The following SFTPD variants were observed in gnomAD, a reference collection of about 807,000 sequenced individuals.
The protein encoded by SFTPD is surfactant protein D, also known as pulmonary surfactant-associated protein D.
In SFTPD, 18 loss-of-function variants were observed where a neutral mutation model predicts 34.6. That is an observed-to-expected ratio of 0.52 (90% CI 0.36 to 0.77). The LOEUF is 0.77. SFTPD is among the 30% of genes least tolerant of loss of function. SFTPD has a pLI of 0.00. For synonymous variants in SFTPD, 155 were observed against 180.9 expected, an observed-to-expected ratio of 0.86 and a Z score of 1.15; for missense variants, 433 against 468.9, an observed-to-expected ratio of 0.92 and a Z score of 0.71.
At chr10:79,956,545 G>A (rs1379996330) in intron 1 of SFTPD, among the ~76,000 whole-genome samples, 10 of 152,344 alleles carry the variant, frequency 6.6e-5, no homozygotes, top group African/African-American at 1.7e-4. Flanking sequence ...ACGGAGTCTC[G>A]CTGATTGCTA....
intron 2 of SFTPD, among the ~76,000 whole-genome samples, chr10:79,944,749 G>C (rs1564529898): frequency 6.6e-6 from 1 of 152,102 alleles, no homozygotes; most frequent in Non-Finnish European, 1.5e-5. Context: ...ATAAGGAATT[G>C]TTCCCCACAA....
intron 2 of SFTPD, among the ~76,000 whole-genome samples, chr10:79,945,318 C>G (rs893172839): frequency 1.3e-5 from 2 of 152,172 alleles, no homozygotes; most frequent in Admixed American, 6.5e-5. Flanking sequence ...TGGGATCCCC[C>G]CTGGACAGCC....
Position 79,938,153 on chromosome 10 carries a change from T to C in SFTPD, c.827A>G (p.Glu276Gly). 6.2e-7 allele frequency: 1 copy of C among 1,611,246 alleles called. No individual in the cohort carries two copies. The highest frequency in any genetic ancestry group is 2.2e-5 in the East Asian group (1 of 44,760). ...KTAGFVKPFTEAQLLCTQAGG... is the reference protein window; with the variant it reads ...KTAGFVKPFTGAQLLCTQAGG... ...AGCCTGTGTGCACAGCAGCTGTGCC[T>C]CCGTAAATGGTTTTACAAAGCCTGC... is the stretch of plus-strand genomic sequence containing the variant. The change falls in exon 8 of 8, where the codon GAG (glutamate) becomes GGG (glycine). Residue 276 changes from glutamate to glycine, a missense_variant. Coordinates refer to ENST00000372292, the MANE Select transcript of SFTPD (RefSeq NM_003019.5).
At chr10:79,973,284 T>C (rs1173208774) in intron 1 of SFTPD, 1 of 152,156 alleles carries the variant, frequency 6.6e-6, no homozygotes, top group East Asian at 1.9e-4. Context: ...GGATACATCA[T>C]GGATCTTCAA....
intron 1 of SFTPD, among the ~76,000 whole-genome samples, chr10:79,963,612 G>A (rs1263620048): frequency 6.6e-6 from 1 of 152,114 alleles, no homozygotes; most frequent in East Asian, 1.9e-4. Flanking sequence ...ATCCTGTCAT[G>A]TATTTATGAC....
chr10:79,938,242 A>G lies in SFTPD; in HGVS notation c.752-14T>C. 1 of 1,574,262 alleles carries G rather than the reference A, an allele frequency of 6.4e-7. No individual in the cohort carries two copies. The highest frequency in any genetic ancestry group is 1.4e-5 in the African/African-American group (1 of 71,410). On this transcript the variant is annotated splice_polypyrimidine_tract_variant and intron_variant, in intron 7 of 7. Transcript: ENST00000372292. ...GGAAGAGCTCAACTAGGAGAAGAAG[A>G]AAGTCAGGTTGGGGTTGTGGCATCA...
At chr10:79,973,019 T>C (rs960231494) in intron 1 of SFTPD, 4 of 152,170 alleles carry the variant, frequency 2.6e-5, no homozygotes, top group African/African-American at 9.7e-5. Flanking sequence ...TACTGAGCTG[T>C]TATCATGTGT....
At chr10:79,963,441 T>C (rs1162807438) in intron 1 of SFTPD, among the ~76,000 whole-genome samples, 1 of 152,032 alleles carries the variant, frequency 6.6e-6, no homozygotes, top group African/African-American at 2.4e-5. Flanking sequence ...TTCAAAAACC[T>C]AGTATGTTAT....
intron 1 of SFTPD, among the ~76,000 whole-genome samples, chr10:79,967,572 C>A (rs538809442): frequency 2.1e-5 from 3 of 144,074 alleles, no homozygotes; most frequent in Admixed American, 6.8e-5. Flanking sequence ...GCTACAGTAA[C>A]CAAAACAGCA....
chr10:79,942,902 C>CAAAG (rs979921099), intron 2 of SFTPD, 23 bp from the exon 3 acceptor site: 1 of 1,509,046 alleles, frequency 6.6e-7, no homozygotes, highest in African/African-American at 1.4e-5. Flanking sequence ...AAGAAATGGA[C>CAAAG]AAAGACCTGG....
intron 1 of SFTPD, chr10:79,970,052 G>C (rs1305887194): frequency 6.6e-6 from 1 of 152,140 alleles, no homozygotes; most frequent in Non-Finnish European, 1.5e-5. Context: ...TGATTTTAGT[G>C]TATGGTATGA....
At chr10:79,962,782 C>T (rs1445693882) in intron 1 of SFTPD, among the ~76,000 whole-genome samples, 2 of 152,076 alleles carry the variant, frequency 1.3e-5, no homozygotes, top group African/African-American at 2.4e-5. Flanking sequence ...TTTAACAATA[C>T]GTTGTAAAAA....
intron 1 of SFTPD, chr10:79,982,281 C>CG: frequency 1.0e-6 from 1 of 994,988 alleles, no homozygotes; most frequent in Non-Finnish European, 1.3e-6. Context: ...CGGGCCACCG[C>CG]GGGGCGGTTC....
chr10:79,982,188 G>A, intron 1 of SFTPD: 2 of 465,652 alleles, frequency 4.3e-6, no homozygotes, highest in Non-Finnish European at 6.9e-6. Context: ...CAGAGGAGCC[G>A]CACGCGCACG....
intron 7 of SFTPD, among the ~76,000 whole-genome samples, chr10:79,940,160 GT>G (rs1388694570): frequency 6.6e-6 from 1 of 152,196 alleles, no homozygotes; most frequent in Non-Finnish European, 1.5e-5. Context: ...ACAGTATCTG[GT>G]TTCTGGGCTG....
At chr10:79,950,977 TAA>T (rs1000372115), upstream of SFTPD, 4 of 152,092 alleles carry the variant, frequency 2.6e-5, no homozygotes, top group African/African-American at 7.2e-5. Context: ...AGTCTTTTGC[TAA>T]AAGTTTCAAC....
At chr10:79,940,833 A>T (rs1842604018) in intron 6 of SFTPD, 45 bp from the exon 7 acceptor site, 1 of 1,310,950 alleles carries the variant, frequency 7.6e-7, no homozygotes, top group Non-Finnish European at 1.1e-6. Context: ...CCAGAGAGCG[A>T]AGGAAGAGCT....
chr10:79,945,611 A>C (rs1030540143), intron 2 of SFTPD, among the ~76,000 whole-genome samples: 1 of 152,170 alleles, frequency 6.6e-6, no homozygotes, highest in Admixed American at 6.5e-5. Flanking sequence ...ACTCATCAGT[A>C]CCTCTGCTAA....
At chr10:79,958,149 A>C (rs1267108847) in intron 1 of SFTPD, among the ~76,000 whole-genome samples, 2 of 152,234 alleles carry the variant, frequency 1.3e-5, no homozygotes, top group African/African-American at 4.8e-5. Context: ...TCCTGAAGGA[A>C]GCACTAAACA....
Sources: gnomAD v4.1 joint callset for allele counts (sites outside exome capture counted in the v4.1 genomes callset) on GRCh38, gnomAD v4.1.1 for gene constraint, MANE v1.5 for transcripts, NCBI Gene and HGNC (gene_info 2026-07-23, HGNC 2026-07-21) for gene names.